PEX5L: variants seen among roughly 807,000 people sequenced by gnomAD.
PEX5L encodes peroxisomal biogenesis factor 5 like.
Under a neutral mutation model 84.0 loss-of-function variants are expected in PEX5L, and 30 were observed. That is an observed-to-expected ratio of 0.36 (90% CI 0.27 to 0.48). PEX5L has a LOEUF of 0.48. PEX5L is among the 20% of genes least tolerant of loss of function. The pLI, the probability that PEX5L is intolerant of heterozygous loss-of-function variation, is 0.99. For missense variants in PEX5L, 533 were observed against 754.6 expected (o/e 0.71, Z 3.44); for synonymous variants, 270 against 283.1 (o/e 0.95, Z 0.46).
chr3:179,961,557 G>C (rs2049768), intron 2 of PEX5L, among the ~76,000 whole-genome samples: 49,999 of 151,974 alleles, frequency 0.33, 10,155 homozygotes, highest in East Asian at 0.76. Context: ...GGCAATGGCA[G>C]AGCGTGGGCA....
chr3:179,925,376 A>G (rs1241729884), intron 2 of PEX5L, among the ~76,000 whole-genome samples: 2 of 151,996 alleles, frequency 1.3e-5, no homozygotes, highest in Admixed American at 1.3e-4. Context: ...GTGTCCTTCC[A>G]GAGTTTCTTT....
intron 2 of PEX5L, among the ~76,000 whole-genome samples, chr3:179,950,301 C>A (rs1394683831): frequency 6.8e-6 from 1 of 148,044 alleles, no homozygotes; most frequent in African/African-American, 2.5e-5. Flanking sequence ...TAGGTGGGAA[C>A]TGAACAATGA....
Position 179,801,592 on chromosome 3 carries a change from T to G in PEX5L, c.*236A>C. 1 of 502,034 alleles carries G rather than the reference T, an allele frequency of 2.0e-6. No homozygotes were observed. The highest frequency in any genetic ancestry group is 3.3e-5 in the East Asian group (1 of 30,716). The allele number at this position is 502,034 out of a possible 1,614,324, so 31.1% of individuals were successfully genotyped here. A position where few individuals can be genotyped will look rare whatever the true frequency, so the allele number is the denominator to read the frequency against. On this transcript the variant is annotated 3_prime_UTR_variant, in exon 15 of 15. Transcript: ENST00000467460. ...CACACAGTTACTTTATCTTGGTTTGTCTTGAGTCTCTTAATTCTTCTTTTG... is the reference window on the plus strand; with the variant it reads ...CACACAGTTACTTTATCTTGGTTTGGCTTGAGTCTCTTAATTCTTCTTTTG...
intron 13 of PEX5L, among the ~76,000 whole-genome samples, 182 bp from the exon 14 acceptor site, chr3:179,808,013 C>T (rs1339508513): frequency 2.6e-5 from 4 of 152,174 alleles, no homozygotes; most frequent in Admixed American, 6.5e-5. Flanking sequence ...GACTTTCACT[C>T]GTCAATGAAC....
At chr3:179,810,689 G>A (rs746150693) in intron 11 of PEX5L, among the ~76,000 whole-genome samples, 1 of 152,152 alleles carries the variant, frequency 6.6e-6, no homozygotes, top group Non-Finnish European at 1.5e-5. Context: ...ACTCTGTGGT[G>A]GGCCTAATCT....
At position 180,036,693 on chromosome 3, in the gene PEX5L, A is replaced by C; in HGVS notation, c.-94T>G. The C allele has an allele frequency of 2.1e-6, 3 of 1,442,574 alleles. No individual in the cohort carries two copies. The highest frequency in any genetic ancestry group is 2.9e-6 in the Non-Finnish European group (3 of 1,023,936). The allele number at this position is 1,442,574 out of a possible 1,614,324, so 89.4% of individuals were successfully genotyped here. On this transcript the variant is annotated 5_prime_UTR_variant, in exon 1 of 15. Coordinates refer to ENST00000467460, the MANE Select transcript of PEX5L (RefSeq NM_016559.3). Reference sequence around the variant, plus strand: ...AAAAGAGGGGAAAAGGTGGGTGCACAGCGGGTTCTCAGAGGGTGCTCCTGA... The same window carrying C: ...AAAAGAGGGGAAAAGGTGGGTGCACCGCGGGTTCTCAGAGGGTGCTCCTGA...
In PEX5L at chr3:179,875,348, C is replaced by T. The variant is rs769574904; in HGVS notation, c.629+6G>A. ...ATGGCCGTTTTCTGGTATTAAAATA[C>T]CTTACCATAAGAGCTCTTTTGATCC... On this transcript the variant is annotated splice_donor_region_variant and intron_variant, in intron 6 of 14. Transcript: ENST00000467460. 1.9e-6 allele frequency: 3 copies of T among 1,613,706 alleles called. No individual in the cohort carries two copies. Among genetic ancestry groups the T allele is most frequent in the Non-Finnish European group, 2.5e-6 (3 of 1,179,724 alleles).
intron 7 of PEX5L, among the ~76,000 whole-genome samples, chr3:179,872,083 C>T (rs1413908951): frequency 6.6e-6 from 1 of 152,126 alleles, no homozygotes; most frequent in African/African-American, 2.4e-5. Context: ...CAGGGTTTTG[C>T]TATGTATCCC....
intron 2 of PEX5L, among the ~76,000 whole-genome samples, chr3:179,917,201 T>G (rs991385573): frequency 6.6e-6 from 1 of 152,132 alleles, no homozygotes; most frequent in African/African-American, 2.4e-5. Context: ...TGTCACTCTC[T>G]TCCACCTCCA....
intron 1 of PEX5L, among the ~76,000 whole-genome samples, chr3:180,025,400 G>A (rs1242066571): frequency 6.6e-6 from 1 of 152,178 alleles, no homozygotes; most frequent in Non-Finnish European, 1.5e-5. Context: ...AGAATATAAA[G>A]ATGTATTGGA....
intron 2 of PEX5L, among the ~76,000 whole-genome samples, chr3:179,953,654 G>A (rs1004279232): frequency 1.3e-5 from 2 of 152,148 alleles, no homozygotes; most frequent in Non-Finnish European, 2.9e-5. Context: ...TGATGCTGTA[G>A]GGAACATCTC....
At chr3:179,814,391 G>A (rs1282869013) in intron 10 of PEX5L, among the ~76,000 whole-genome samples, 1 of 152,158 alleles carries the variant, frequency 6.6e-6, no homozygotes, top group East Asian at 1.9e-4. Context: ...TACAGATGAG[G>A]AAACTGAAAC....
intron 7 of PEX5L, among the ~76,000 whole-genome samples, chr3:179,859,579 G>A (rs185583725): frequency 4.6e-5 from 7 of 152,276 alleles, no homozygotes; most frequent in Non-Finnish European, 8.8e-5. Context: ...ATCAGCCTCC[G>A]GTTAAAAACA....
intron 1 of PEX5L, among the ~76,000 whole-genome samples, chr3:179,983,747 T>C (rs558448135): frequency 4.3e-4 from 65 of 152,132 alleles, no homozygotes; most frequent in African/African-American, 1.6e-3. Context: ...ATAATGTTTG[T>C]TGCCAAAATT....
intron 1 of PEX5L, among the ~76,000 whole-genome samples, chr3:180,013,089 T>C (rs904505514): frequency 6.6e-6 from 1 of 152,234 alleles, no homozygotes. Flanking sequence ...TTAGGAAAAG[T>C]GATCAGTTTT....
At chr3:179,895,862 G>C (rs563459201) in intron 3 of PEX5L, among the ~76,000 whole-genome samples, 20 of 152,226 alleles carry the variant, frequency 1.3e-4, no homozygotes, top group Non-Finnish European at 2.5e-4. Context: ...TTATAGAGTA[G>C]TAATTATCTT....
intron 1 of PEX5L, among the ~76,000 whole-genome samples, chr3:179,995,868 G>A (rs1787843141): frequency 6.6e-6 from 1 of 152,158 alleles, no homozygotes; most frequent in African/African-American, 2.4e-5. Context: ...GGAAAAGAAT[G>A]GGACCCTGCA....
chr3:179,955,223 A>G (rs1780184751), intron 2 of PEX5L, among the ~76,000 whole-genome samples: 1 of 152,176 alleles, frequency 6.6e-6, no homozygotes, highest in Admixed American at 6.6e-5. Flanking sequence ...GAAGAATAAT[A>G]AGAACTAATT....
intron 2 of PEX5L, among the ~76,000 whole-genome samples, chr3:179,926,193 C>T (rs1016182711): frequency 5.9e-5 from 9 of 152,194 alleles, no homozygotes; most frequent in Non-Finnish European, 1.3e-4. Flanking sequence ...ACCCTGCCCT[C>T]ATCTCTCAGC....
Sources: allele counts gnomAD v4.1 joint callset (sites outside exome capture counted in the v4.1 genomes callset), GRCh38; gene constraint gnomAD v4.1.1; transcripts MANE v1.5; gene names NCBI Gene and HGNC (gene_info 2026-07-23, HGNC 2026-07-21).